Variants in COL4A5 observed in about 807,000 individuals in gnomAD.
COL4A5 encodes the protein collagen alpha-5(IV) chain.
COL4A5 carries 26 observed loss-of-function variants against 130.2 expected under a neutral mutation model. That is an observed-to-expected ratio of 0.20 (90% CI 0.15 to 0.28). The LOEUF (loss-of-function observed/expected upper bound fraction) is 0.28, where lower values mean the gene tolerates loss of function less well. COL4A5 is among the 10% of genes least tolerant of loss of function. The probability of loss-of-function intolerance (pLI) is 1.00; values close to 1 mark genes in which losing one functional copy is unlikely to be tolerated. For missense variants in COL4A5, 1,131 were observed against 1,344.3 expected, an observed-to-expected ratio of 0.84 and a Z score of 2.48; for synonymous variants, 496 against 439.6, an observed-to-expected ratio of 1.13 and a Z score of -1.60.
intron 1 of COL4A5, among the ~76,000 whole-genome samples, chrX:108,517,210 C>T (rs2065228558): frequency 9.0e-6 from 1 of 110,903 alleles, no homozygotes; most frequent in African/African-American, 3.3e-5. Flanking sequence ...ATATACGTAT[C>T]TTAAGATTTT....
At chrX:108,551,923 G>A (rs2065758909) in intron 2 of COL4A5, among the ~76,000 whole-genome samples, 1 of 112,053 alleles carries the variant, frequency 8.9e-6, no homozygotes, top group African/African-American at 3.2e-5. Context: ...GGATGCAACT[G>A]GAAGCCATTA....
Position 108,687,662 on chromosome X carries a change from A to G in COL4A5, c.4496A>G (p.Gln1499Arg). 1 of 1,210,093 alleles carries G rather than the reference A, an allele frequency of 8.3e-7. No homozygotes were observed. ...GAAGGCTTTTCTCTCCTGTATGTACAAGGAAATAAAAGAGCCCACGGTCAA... is the reference window on the plus strand; with the variant it reads ...GAAGGCTTTTCTCTCCTGTATGTACGAGGAAATAAAAGAGCCCACGGTCAA... ...VYEGFSLLYV[Q>R]GNKRAHGQDL... Residue 1499 changes from glutamine to arginine, a missense_variant, in exon 49 of 53, where the codon CAA becomes CGA. By Grantham distance (43) the Gln-to-Arg change is conservative. Coordinates refer to ENST00000328300, the MANE Select transcript of COL4A5 (RefSeq NM_033380.3).
At chrX:108,680,552 A>T (rs1222220316) in intron 44 of COL4A5, 127 bp from the exon 45 acceptor site, 1 of 558,345 alleles carries the variant, frequency 1.8e-6, no homozygotes, top group East Asian at 3.5e-5. Context: ...GGCAAAATTG[A>T]GATTACAGTC....
At chrX:108,559,009 G>T in intron 2 of COL4A5, 55 bp from the exon 3 acceptor site, 1 of 936,025 alleles carries the variant, frequency 1.1e-6, no homozygotes, top group Middle Eastern at 2.7e-4. Flanking sequence ...TCTCAACCAT[G>T]CCTGTGCTTG....
At chrX:108,678,277 C>CT (rs1454102459) in intron 44 of COL4A5, among the ~76,000 whole-genome samples, 1 of 111,329 alleles carries the variant, frequency 9.0e-6, no homozygotes, top group Non-Finnish European at 1.9e-5. Flanking sequence ...CTGAAGACTG[C>CT]TTTATGGCAG....
intron 47 of COL4A5, among the ~76,000 whole-genome samples, chrX:108,685,516 TCATC>T (rs1421910520): frequency 8.9e-6 from 1 of 112,396 alleles, no homozygotes; most frequent in Non-Finnish European, 1.9e-5. Flanking sequence ...TTTCTGTACA[TCATC>T]CAGCAGAAAG....
At chrX:108,619,840 A>C (rs1448051056) in intron 30 of COL4A5, among the ~76,000 whole-genome samples, 2 of 112,446 alleles carry the variant, frequency 1.8e-5, no homozygotes, top group African/African-American at 3.2e-5. Context: ...CAATAGGATT[A>C]ATACAAATGT....
intron 36 of COL4A5, chrX:108,627,346 G>C (rs1051104673): frequency 1.6e-4 from 116 of 725,558 alleles, no homozygotes; most frequent in Non-Finnish European, 1.8e-4. Context: ...ACTGTCAATA[G>C]TTGATATATA....
intron 1 of COL4A5, among the ~76,000 whole-genome samples, chrX:108,482,846 T>G (rs2064905382): frequency 8.9e-6 from 1 of 111,806 alleles, no homozygotes; most frequent in African/African-American, 3.3e-5. Flanking sequence ...CATCACTTTG[T>G]CCTCTGAACT....
chrX:108,565,984 CTTT>C (rs113282994), intron 4 of COL4A5, among the ~76,000 whole-genome samples: 4 of 86,723 alleles, frequency 4.6e-5, no homozygotes, highest in Admixed American at 1.3e-4. Context: ...GGCTATTCTT[CTTT>C]TTTTTTTTTT....
chrX:108,648,378 G>T (rs778477817), intron 36 of COL4A5, among the ~76,000 whole-genome samples: 1 of 111,434 alleles, frequency 9.0e-6, no homozygotes, highest in African/African-American at 3.3e-5. Context: ...GACAGAGAAA[G>T]AAGGAGCCCT....
Position 108,668,442 on chromosome X carries a change from C to T in COL4A5, c.3728C>T (p.Pro1243Leu), listed in dbSNP as rs751503027. 32 of 1,207,253 alleles carry T rather than the reference C, an allele frequency of 2.7e-5. No individual in the cohort carries two copies. Among genetic ancestry groups the T allele is most frequent in the Non-Finnish European group, 3.1e-5 (28 of 894,161 alleles). Residue 1243 changes from proline to leucine, a missense_variant, in exon 41 of 53, where the codon CCG (proline) becomes CTG (leucine). Pro to Leu is a moderately conservative substitution (Grantham distance 98). Transcript: ENST00000328300. ...GGTCCCCCAGGCCCTCCTGGTTCTC[C>T]GGGTCCAGCTCTGGAAGGACCTAAA... ...VQGPPGPPGS[P>L]GPALEGPKGN...
chrX:108,458,376 C>T (rs943251237), intron 1 of COL4A5, among the ~76,000 whole-genome samples: 12 of 111,480 alleles, frequency 1.1e-4, no homozygotes, highest in Non-Finnish European at 2.1e-4. Context: ...TCTGTTTCAC[C>T]AATCTCTATG....
At chrX:108,457,130 T>C (rs746069816) in intron 1 of COL4A5, among the ~76,000 whole-genome samples, 36 of 112,121 alleles carry the variant, frequency 3.2e-4, no homozygotes, top group Admixed American at 8.5e-4. Flanking sequence ...AAGAAGTGTC[T>C]TCAACGTTTG....
intron 1 of COL4A5, among the ~76,000 whole-genome samples, chrX:108,451,048 T>A (rs1315975045): frequency 7.9e-5 from 8 of 101,501 alleles, no homozygotes; most frequent in African/African-American, 2.9e-4. Context: ...CCTGTGTCCA[T>A]GTGTTCTCAT....
At chrX:108,682,843 T>C (rs1315672962) in intron 47 of COL4A5, among the ~76,000 whole-genome samples, 2 of 111,899 alleles carry the variant, frequency 1.8e-5, no homozygotes. Flanking sequence ...ATTCTGTAGG[T>C]TGCCTGTTCA....
rs146063222 is a variant in COL4A5, at chrX:108,443,782, T to C, written c.81+3576T>C. Among the ~76,000 whole-genome samples, 18 of 111,881 alleles carry C rather than the reference T, an allele frequency of 1.6e-4. No individual in the cohort carries two copies. The East Asian group carries it at 5.0e-3, about 31-fold the overall frequency. On this transcript the variant is annotated intron_variant, in intron 1 of 52. Transcript: ENST00000328300. The stretch of plus-strand genomic sequence containing the variant: ...TATTTTTTCTTTTGTAATTACAAAG[T>C]GAGACTATGCAGGGCAATATTGTGA...
chrX:108,463,098 A>G (rs1482985980), intron 1 of COL4A5: 2 of 111,968 alleles, frequency 1.8e-5, no homozygotes. Context: ...GAAAGCACCA[A>G]AACTCTTTAG....
At chrX:108,458,638 C>T (rs918658280) in intron 1 of COL4A5, among the ~76,000 whole-genome samples, 1 of 111,646 alleles carries the variant, frequency 9.0e-6, no homozygotes. Flanking sequence ...GATGTCTTAA[C>T]AGTATTCAGT....
Sources: gnomAD v4.1 joint callset for allele counts (sites outside exome capture counted in the v4.1 genomes callset) on GRCh38, gnomAD v4.1.1 for gene constraint, MANE v1.5 for transcripts, NCBI Gene and HGNC (gene_info 2026-07-23, HGNC 2026-07-21) for gene names.